Variants in NAV3 observed in about 807,000 individuals in gnomAD.
NAV3 encodes the protein neuron navigator 3, also known as pore membrane and/or filament interacting like protein 1.
NAV3 carries 87 observed loss-of-function variants against 244.7 expected under a neutral mutation model. That is an observed-to-expected ratio of 0.36 (90% CI 0.30 to 0.42). The LOEUF (loss-of-function observed/expected upper bound fraction) is 0.42, where lower values mean the gene tolerates loss of function less well. Ranked by LOEUF, NAV3 falls within the 20% of genes least tolerant of loss-of-function variation. The pLI, the probability that NAV3 is intolerant of heterozygous loss-of-function variation, is 1.00. For synonymous variants in NAV3, 1,126 were observed against 1,042.2 expected, an observed-to-expected ratio of 1.08 and a Z score of -1.55; for missense variants, 2,663 against 2,893.3, an observed-to-expected ratio of 0.92 and a Z score of 1.83.
At chr12:78,037,304 G>A (rs1435501762) in intron 9 of NAV3, 1 of 702,880 alleles carries the variant, frequency 1.4e-6, no homozygotes, top group Non-Finnish European at 2.6e-6. Flanking sequence ...GCTGTTTGCG[G>A]GAAGGGACAG....
chr12:77,745,971 T>G (rs185269085), intron 2 of NAV3, among the ~76,000 whole-genome samples: 40 of 140,198 alleles, frequency 2.9e-4, no homozygotes, highest in African/African-American at 1.0e-3. Context: ...CCCACAAAAT[T>G]GGTTAAAGAC....
intron 2 of NAV3, among the ~76,000 whole-genome samples, chr12:77,750,360 C>G (rs1868783664): frequency 6.6e-6 from 1 of 151,902 alleles, no homozygotes; most frequent in Non-Finnish European, 1.5e-5. Flanking sequence ...CTCAAAACAA[C>G]AACAACAAAA....
At chr12:78,013,314 T>C (rs747824418) in intron 8 of NAV3, among the ~76,000 whole-genome samples, 6 of 152,004 alleles carry the variant, frequency 3.9e-5, no homozygotes, top group Admixed American at 2.0e-4. Context: ...CAGCTGGAAG[T>C]GTAAAGCTCC....
intron 22 of NAV3, among the ~76,000 whole-genome samples, chr12:78,150,123 G>A (rs543502211): frequency 5.9e-4 from 89 of 152,124 alleles, no homozygotes; most frequent in Non-Finnish European, 1.1e-3. Context: ...AGAGGCAACC[G>A]TAAATTTTAT....
At chr12:77,733,941 G>A (rs1031640160) in intron 2 of NAV3, among the ~76,000 whole-genome samples, 3 of 149,016 alleles carry the variant, frequency 2.0e-5, no homozygotes, top group African/African-American at 5.0e-5. Context: ...GGAGAAACTA[G>A]ATATTTAAGA....
At chr12:77,811,822 T>TAACACAAAACTAAGCATTTTA (rs1872301280) in intron 2 of NAV3, among the ~76,000 whole-genome samples, 1 of 152,166 alleles carries the variant, frequency 6.6e-6, no homozygotes. Flanking sequence ...TAAGACAGCA[T>TAACACAAAACTAAGCATTTTA]AACACAAAAC....
intron 1 of NAV3, among the ~76,000 whole-genome samples, chr12:77,904,666 G>A (rs556989975): frequency 1.3e-5 from 2 of 152,024 alleles, no homozygotes; most frequent in South Asian, 4.2e-4. Context: ...AGAAAAATGT[G>A]GTAAAGATTA....
intron 34 of NAV3, among the ~76,000 whole-genome samples, chr12:78,192,081 A>T (rs1381894587): frequency 6.6e-6 from 1 of 152,140 alleles, no homozygotes; most frequent in Non-Finnish European, 1.5e-5. Flanking sequence ...TTCCCTAAAA[A>T]ATATCTATCT....
intron 2 of NAV3, among the ~76,000 whole-genome samples, chr12:77,775,416 G>A (rs1425568416): frequency 2.0e-5 from 3 of 151,220 alleles, no homozygotes; most frequent in Admixed American, 6.6e-5. Context: ...AGAAAAAAGT[G>A]TGTCATTTTT....
intron 2 of NAV3, among the ~76,000 whole-genome samples, chr12:77,639,794 A>G (rs1023950109): frequency 1.3e-5 from 2 of 152,186 alleles, no homozygotes; most frequent in African/African-American, 4.8e-5. Context: ...TGTGCTTCAA[A>G]TATGAGGAAT....
intron 22 of NAV3, among the ~76,000 whole-genome samples, chr12:78,151,057 A>T (rs892140166): frequency 1.4e-5 from 2 of 141,018 alleles, no homozygotes; most frequent in Non-Finnish European, 3.1e-5. Flanking sequence ...TAGGGGAACA[A>T]TCATTTAAAA....
chr12:78,121,958 A>G lies in NAV3; in HGVS notation c.3768A>G (p.Ala1256=). The G allele has an allele frequency of 1.9e-6, 3 of 1,613,934 alleles. No homozygotes were observed. The highest frequency in any genetic ancestry group is 1.3e-5 in the African/African-American group (1 of 75,040). The part of the protein sequence containing the change: ...PTFRRLFGAK[A]GGKSASAPNT... ...CTTTTAGGTTGTTTGGTGCCAAGGC[A>G]GGTGGCAAATCTGCCTCTGCACCTA... Residue 1256 remains alanine, a synonymous_variant, in exon 16 of 40, where the codon GCA becomes GCG. Transcript: ENST00000397909.
In NAV3 at chr12:78,140,353, G is replaced by GA. The variant is rs763212319; in HGVS notation, c.4683+24dup. ...CTCTACAGTAAGTAATGGCTGTTAA[G>GA]AAAAAGCTTGTGCTTTTGCCATGCA... On this transcript the variant is annotated intron_variant, in intron 20 of 39. Coordinates refer to ENST00000397909, the MANE Select transcript of NAV3 (RefSeq NM_001024383.2). The GA allele has an allele frequency of 6.2e-7, 1 of 1,604,308 alleles. No homozygotes were observed. The highest frequency in any genetic ancestry group is 1.7e-5 in the Admixed American group (1 of 59,952).
At chr12:78,047,092 T>C (rs895164758) in intron 9 of NAV3, among the ~76,000 whole-genome samples, 2 of 152,198 alleles carry the variant, frequency 1.3e-5, no homozygotes, top group African/African-American at 4.8e-5. Flanking sequence ...TGGTAAATAT[T>C]CCTCCATCCC....
At chr12:78,125,909 C>G (rs1214163232) in intron 16 of NAV3, among the ~76,000 whole-genome samples, 5 of 152,052 alleles carry the variant, frequency 3.3e-5, no homozygotes, top group African/African-American at 1.2e-4. Flanking sequence ...TTTTCATATT[C>G]TTTGTGGCAT....
intron 8 of NAV3, among the ~76,000 whole-genome samples, chr12:78,015,237 G>A (rs1189802912): frequency 6.6e-6 from 1 of 151,998 alleles, no homozygotes; most frequent in African/African-American, 2.4e-5. Flanking sequence ...TGACTCTCAT[G>A]TACACTTCTC....
At chr12:77,656,105 C>A (rs553384274) in intron 2 of NAV3, among the ~76,000 whole-genome samples, 1 of 150,948 alleles carries the variant, frequency 6.6e-6, no homozygotes, top group Admixed American at 6.6e-5. Flanking sequence ...TCACACATAA[C>A]AATATTAACT....
intron 1 of NAV3, among the ~76,000 whole-genome samples, chr12:77,894,327 C>A (rs926134161): frequency 1.3e-5 from 2 of 152,008 alleles, no homozygotes; most frequent in South Asian, 4.2e-4. Context: ...AGAAAATGTA[C>A]ATCTGTTATT....
intron 2 of NAV3, among the ~76,000 whole-genome samples, chr12:77,687,324 A>T (rs997108284): frequency 2.0e-5 from 3 of 149,762 alleles, no homozygotes; most frequent in South Asian, 2.1e-4. Context: ...ATTTGGACAC[A>T]CTATGTGTGC....
Sources: allele counts gnomAD v4.1 joint callset (sites outside exome capture counted in the v4.1 genomes callset), GRCh38; gene constraint gnomAD v4.1.1; transcripts MANE v1.5; gene names NCBI Gene and HGNC (gene_info 2026-07-23, HGNC 2026-07-21).